OCA2: variants seen among roughly 807,000 people sequenced by gnomAD.
OCA2 encodes the protein P protein.
OCA2 carries 77 observed loss-of-function variants against 100.2 expected under a neutral mutation model. The observed-to-expected ratio is 0.77, with a 90% confidence interval of 0.64 to 0.93. OCA2 has a LOEUF of 0.93. Ranked by LOEUF, OCA2 falls within the 40% of genes least tolerant of loss-of-function variation. The pLI is 0.00. For synonymous variants in OCA2, 432 were observed against 439.2 expected (o/e 0.98, Z 0.21); for missense variants, 1,062 against 1,089.1 (o/e 0.98, Z 0.35).
chr15:27,958,226 A>G (rs1287519766), intron 15 of OCA2, among the ~76,000 whole-genome samples: 2 of 152,278 alleles, frequency 1.3e-5, no homozygotes, highest in Non-Finnish European at 2.9e-5. Context: ...ACGAAAGCGA[A>G]GTAATGCAAT....
the OCA2 span, among the ~76,000 whole-genome samples, chr15:27,723,094 C>T: frequency 3.3e-5 from 5 of 152,018 alleles, no homozygotes; most frequent in East Asian, 3.9e-4. Flanking sequence ...CCGCCCGCCT[C>T]ACCCTCCCAA....
intron 23 of OCA2, among the ~76,000 whole-genome samples, chr15:27,769,623 T>A (rs1240345825): frequency 6.6e-6 from 1 of 151,764 alleles, no homozygotes; most frequent in Admixed American, 6.5e-5. Flanking sequence ...ACACCACCTG[T>A]TCCCCCTAAA....
chr15:27,941,380 C>T (rs562985193), intron 18 of OCA2, among the ~76,000 whole-genome samples: 6 of 152,220 alleles, frequency 3.9e-5, no homozygotes, highest in African/African-American at 1.4e-4. Context: ...TGTGGTACTC[C>T]GTCAAAATTA....
intron 23 of OCA2, among the ~76,000 whole-genome samples, chr15:27,823,664 C>T (rs946022596): frequency 2.0e-5 from 3 of 152,126 alleles, no homozygotes; most frequent in African/African-American, 7.2e-5. Context: ...ATAAATGGTA[C>T]TGAGAAACAA....
intron 1 of OCA2, among the ~76,000 whole-genome samples, chr15:28,082,627 TAAGGAC>T (rs1413415605): frequency 6.6e-6 from 1 of 152,166 alleles, no homozygotes; most frequent in African/African-American, 2.4e-5. Flanking sequence ...GTGTAAAGAA[TAAGGAC>T]AAGTGGTACA....
the OCA2 span, among the ~76,000 whole-genome samples, chr15:27,729,287 C>CTTTTTTTTTTTTTT: frequency 9.4e-6 from 1 of 106,088 alleles, no homozygotes. Context: ...TCATTATCAT[C>CTTTTTTTTTTTTTT]TATTTTTTTT....
chr15:27,926,850 G>A (rs1042760674), intron 18 of OCA2, among the ~76,000 whole-genome samples: 1 of 152,134 alleles, frequency 6.6e-6, no homozygotes. Context: ...TTGCCCTCAA[G>A]TGATCCGCCC....
At chr15:27,975,512 A>G (rs1002683857) in intron 14 of OCA2, among the ~76,000 whole-genome samples, 1 of 152,190 alleles carries the variant, frequency 6.6e-6, no homozygotes, top group East Asian at 1.9e-4. Context: ...ATGAATATAC[A>G]TTTGTTCCAG....
At chr15:27,991,556 G>A (rs2041555732) in intron 9 of OCA2, among the ~76,000 whole-genome samples, 1 of 152,188 alleles carries the variant, frequency 6.6e-6, no homozygotes, top group Admixed American at 6.5e-5. Context: ...GGCTGCCCAA[G>A]GCTGGGGAAA....
At chr15:27,771,216 C>G (rs1240291898) in intron 23 of OCA2, among the ~76,000 whole-genome samples, 1 of 151,690 alleles carries the variant, frequency 6.6e-6, no homozygotes, top group Non-Finnish European at 1.5e-5. Flanking sequence ...CCTTCTGAGG[C>G]CCATAAACAC....
intron 19 of OCA2, among the ~76,000 whole-genome samples, chr15:27,905,806 G>A (rs1438625788): frequency 6.6e-6 from 1 of 152,202 alleles, no homozygotes; most frequent in Non-Finnish European, 1.5e-5. Context: ...ACGCTATCAG[G>A]AGCGGAAATG....
At chr15:27,988,068 G>A (rs116654450) in intron 11 of OCA2, among the ~76,000 whole-genome samples, 224 of 152,246 alleles carry the variant, frequency 1.5e-3, no homozygotes, top group African/African-American at 5.0e-3. Flanking sequence ...TACGCATGAG[G>A]AGACAGGCGT....
At chr15:27,744,418 G>A in the OCA2 span, among the ~76,000 whole-genome samples, 3 of 152,158 alleles carry the variant, frequency 2.0e-5, no homozygotes, top group African/African-American at 4.8e-5. Flanking sequence ...CGAGATGGAG[G>A]GAAAGCCAGG....
At chr15:27,873,396 T>C (rs1293778578) in intron 19 of OCA2, among the ~76,000 whole-genome samples, 1 of 152,230 alleles carries the variant, frequency 6.6e-6, no homozygotes, top group East Asian at 1.9e-4. Context: ...TCACCCACTG[T>C]TAAAGAACGA....
In OCA2 at chr15:28,081,959, G is replaced by A. The variant is rs1484797560; in HGVS notation, c.-21-64C>T. The A allele has an allele frequency of 3.8e-6, 5 of 1,322,702 alleles. No homozygotes were observed. The African/African-American group carries it at 4.3e-5, about 12-fold the overall frequency. 81.9% of individuals were successfully genotyped at this position (1,322,702 alleles called of 1,614,324 possible). The stretch of plus-strand genomic sequence containing the variant: ...ACACTGAGACTAACGTTTGCACCTT[G>A]GGAGTCCGTACAATAGGAAGGTTGC... On this transcript the variant is annotated intron_variant, in intron 1 of 23. Transcript: ENST00000354638.
At chr15:27,832,058 G>A (rs905725687) in intron 23 of OCA2, among the ~76,000 whole-genome samples, 1 of 151,294 alleles carries the variant, frequency 6.6e-6, no homozygotes, top group African/African-American at 2.4e-5. Context: ...TTGCACACTC[G>A]CCTGCCAATC....
intron 22 of OCA2, among the ~76,000 whole-genome samples, chr15:27,848,257 G>T (rs762221861): frequency 2.8e-4 from 42 of 152,302 alleles, no homozygotes; most frequent in Non-Finnish European, 5.9e-4. Context: ...AGAAATGCAG[G>T]GAGTCTGCTT....
At chr15:27,802,318 A>G (rs1291120600) in intron 23 of OCA2, among the ~76,000 whole-genome samples, 1 of 152,200 alleles carries the variant, frequency 6.6e-6, no homozygotes, top group East Asian at 1.9e-4. Flanking sequence ...AAAATGGAGA[A>G]ACATACCTTG....
At chr15:27,793,253 A>G (rs544077562) in intron 23 of OCA2, among the ~76,000 whole-genome samples, 1 of 152,330 alleles carries the variant, frequency 6.6e-6, no homozygotes, top group South Asian at 2.1e-4. Flanking sequence ...TTTCAGAGCT[A>G]TAAAGCTGAT....
Sources: allele counts gnomAD v4.1 joint callset (sites outside exome capture counted in the v4.1 genomes callset), GRCh38; gene constraint gnomAD v4.1.1; transcripts MANE v1.5; gene names NCBI Gene and HGNC (gene_info 2026-07-23, HGNC 2026-07-21).